BOLL: variants seen among roughly 807,000 people sequenced by gnomAD.
BOLL encodes the protein protein boule-like.
In BOLL, 23 loss-of-function variants were observed where a neutral mutation model predicts 44.4. The ratio of observed to expected loss-of-function variants is 0.52; its 90% CI spans 0.37 to 0.73. The LOEUF is 0.73. Among genes scored for constraint, BOLL ranks in the 30% least tolerant of loss-of-function variants. The pLI is 0.00. For synonymous variants in BOLL, 97 were observed against 110.8 expected (o/e 0.88, Z 0.78); for missense variants, 287 against 338.3 (o/e 0.85, Z 1.19).
At chr2:197,749,974 G>T (rs1688161568) in intron 9 of BOLL, among the ~76,000 whole-genome samples, 1 of 152,158 alleles carries the variant, frequency 6.6e-6, no homozygotes, top group Admixed American at 6.5e-5. Flanking sequence ...CAAGCCAGAA[G>T]AGAGTAGCGG....
At chr2:197,740,333 G>A (rs1687673962) in intron 10 of BOLL, among the ~76,000 whole-genome samples, 1 of 152,132 alleles carries the variant, frequency 6.6e-6, no homozygotes, top group East Asian at 1.9e-4. Flanking sequence ...AAAGTACACT[G>A]TATGCAGGAT....
intron 9 of BOLL, among the ~76,000 whole-genome samples, chr2:197,754,462 C>A (rs1216162700): frequency 6.6e-6 from 1 of 152,132 alleles, no homozygotes; most frequent in Non-Finnish European, 1.5e-5. Flanking sequence ...GTAATCCCAG[C>A]ACTTTGGGAG....
chr2:197,768,480 A>G (rs1432958975), intron 6 of BOLL, among the ~76,000 whole-genome samples: 1 of 151,906 alleles, frequency 6.6e-6, no homozygotes. Context: ...TAAAGTCAAA[A>G]TAATTACAAC....
chr2:197,739,622 G>A (rs1028571575), intron 10 of BOLL, among the ~76,000 whole-genome samples: 6 of 152,068 alleles, frequency 3.9e-5, no homozygotes, highest in African/African-American at 1.4e-4. Context: ...ACCACAGTTG[G>A]CCAGAATTGG....
chr2:197,759,448 A>G (rs1296814810), intron 7 of BOLL, among the ~76,000 whole-genome samples: 1 of 151,150 alleles, frequency 6.6e-6, no homozygotes, highest in East Asian at 2.0e-4. Context: ...CAAAGTGTGT[A>G]CTCCCCACCC....
At chr2:197,773,106 A>G (rs1197137120) in intron 5 of BOLL, among the ~76,000 whole-genome samples, 1 of 151,724 alleles carries the variant, frequency 6.6e-6, no homozygotes, top group Non-Finnish European at 1.5e-5. Context: ...AATGGTTCTT[A>G]ATTAGATCCT....
At chr2:197,765,105 T>C (rs1244507038) in intron 7 of BOLL, among the ~76,000 whole-genome samples, 1 of 152,152 alleles carries the variant, frequency 6.6e-6, no homozygotes, top group Non-Finnish European at 1.5e-5. Context: ...TCCTATGTTC[T>C]CACTCATAAG....
chr2:197,739,619 T>A (rs1687647911), intron 10 of BOLL, among the ~76,000 whole-genome samples: 1 of 152,140 alleles, frequency 6.6e-6, no homozygotes, highest in African/African-American at 2.4e-5. Context: ...GCCACCACAG[T>A]TGGCCAGAAT....
chr2:197,770,002 T>C (rs978223278), intron 6 of BOLL, among the ~76,000 whole-genome samples: 14 of 152,122 alleles, frequency 9.2e-5, no homozygotes, highest in Non-Finnish European at 1.3e-4. Flanking sequence ...AGAAACTACT[T>C]TAAAGTTCAT....
intron 9 of BOLL, among the ~76,000 whole-genome samples, chr2:197,743,479 T>C (rs910588430): frequency 6.6e-6 from 1 of 152,178 alleles, no homozygotes; most frequent in African/African-American, 2.4e-5. Context: ...GTACCATTCA[T>C]TGGAATATAG....
intron 10 of BOLL, 66 bp downstream of exon 10, chr2:197,742,995 G>A: frequency 7.8e-7 from 1 of 1,285,590 alleles, no homozygotes. Context: ...TTCTAGAAGA[G>A]AAAGTTGGAA....
At chr2:197,781,988 C>CCTG in intron 1 of BOLL, 123 bp from the exon 2 acceptor site, 1 of 729,116 alleles carries the variant, frequency 1.4e-6, no homozygotes, top group Admixed American at 3.6e-5. Context: ...GTATTCTAGG[C>CCTG]TTTACTTTTA....
intron 1 of BOLL, chr2:197,784,612 T>G: frequency 1.7e-6 from 1 of 579,934 alleles, no homozygotes; most frequent in Non-Finnish European, 2.2e-6. Context: ...TTTGTATTAG[T>G]AGAGATGGGT....
chr2:197,743,058 T>C lies in BOLL; in HGVS notation c.828+3A>G, dbSNP rs1005245375. 6.4e-7 allele frequency: 1 copy of C among 1,552,986 alleles called. No individual in the cohort carries two copies. Among genetic ancestry groups the C allele is most frequent in the Admixed American group, 2.1e-5 (1 of 47,956 alleles). Reference sequence around the variant, plus strand: ...AAGTAAAAAGTCAAAACAAATTTCTTACTTTAATTGGCTCAGGCTGCATCA... The same window carrying C: ...AAGTAAAAAGTCAAAACAAATTTCTCACTTTAATTGGCTCAGGCTGCATCA... On this transcript the variant is annotated splice_donor_region_variant and intron_variant, in intron 10 of 10. Transcript: ENST00000392296.
chr2:197,744,855 G>T (rs190740420), intron 9 of BOLL, among the ~76,000 whole-genome samples: 1 of 152,318 alleles, frequency 6.6e-6, no homozygotes, highest in East Asian at 1.9e-4. Context: ...AACACAGTAA[G>T]TTGTGAAGCT....
chr2:197,742,931 G>C (rs1687822486), intron 10 of BOLL, 130 bp downstream of exon 10: 10 of 489,124 alleles, frequency 2.0e-5, no homozygotes, highest in Non-Finnish European at 3.1e-5. Flanking sequence ...ACATGAGTTT[G>C]CTAATTCTGT....
At chr2:197,751,730 G>C (rs1318589748) in intron 9 of BOLL, among the ~76,000 whole-genome samples, 1 of 151,968 alleles carries the variant, frequency 6.6e-6, no homozygotes, top group African/African-American at 2.4e-5. Flanking sequence ...AGAGGAGCTA[G>C]TACCATTCCT....
Position 197,756,565 on chromosome 2 carries a change from C to T in BOLL, c.601-9G>A, listed in dbSNP as rs780690950. 4 of 1,587,216 alleles carry T rather than the reference C, an allele frequency of 2.5e-6. No homozygotes were observed. Among genetic ancestry groups the T allele is most frequent in the South Asian group, 1.1e-5 (1 of 87,164 alleles). ...GCAGAAGAGGCAGAAGGCTAAAATA[C>T]AAAACCATATTTCTAATTCAAATAT... On this transcript the variant is annotated splice_polypyrimidine_tract_variant and intron_variant, in intron 8 of 10. Transcript: ENST00000392296.
At chr2:197,769,883 C>T (rs1444511630) in intron 6 of BOLL, among the ~76,000 whole-genome samples, 2 of 152,140 alleles carry the variant, frequency 1.3e-5, no homozygotes, top group Non-Finnish European at 2.9e-5. Context: ...ATTCCGTGCT[C>T]ATGGATAGGA....
Sources: allele counts gnomAD v4.1 joint callset (sites outside exome capture counted in the v4.1 genomes callset), GRCh38; gene constraint gnomAD v4.1.1; transcripts MANE v1.5; gene names NCBI Gene and HGNC (gene_info 2026-07-23, HGNC 2026-07-21).